Variants in NEDD9 observed in about 807,000 individuals in gnomAD.
NEDD9 encodes neural precursor cell expressed, developmentally down-regulated 9.
A neutral mutation model predicts 76.6 loss-of-function variants in NEDD9; 26 were observed. The ratio of observed to expected loss-of-function variants is 0.34; its 90% confidence interval spans 0.25 to 0.47. The LOEUF (loss-of-function observed/expected upper bound fraction) is 0.47. NEDD9 is among the 20% of genes least tolerant of loss of function. NEDD9 has a pLI of 1.00. For synonymous variants in NEDD9, 392 were observed against 414.2 expected (o/e 0.95, Z 0.65); for missense variants, 937 against 1,058.5 (o/e 0.89, Z 1.59).
At chr6:11,274,645 A>G (rs182793657) in intron 3 of NEDD9, among the ~76,000 whole-genome samples, 1 of 152,348 alleles carries the variant, frequency 6.6e-6, no homozygotes, top group East Asian at 1.9e-4. Flanking sequence ...TACCTACTGC[A>G]TCACAATAAT....
At chr6:11,299,604 G>T (rs1760989089) in intron 3 of NEDD9, among the ~76,000 whole-genome samples, 1 of 152,194 alleles carries the variant, frequency 6.6e-6, no homozygotes, top group African/African-American at 2.4e-5. Flanking sequence ...TTCCCAGTAG[G>T]GGCCAACAGA....
chr6:11,312,893 A>G (rs1163162645), intron 2 of NEDD9, among the ~76,000 whole-genome samples: 2 of 152,142 alleles, frequency 1.3e-5, no homozygotes, highest in Non-Finnish European at 2.9e-5. Context: ...TGTTTTTAAA[A>G]GAAAATCCCT....
intron 2 of NEDD9, among the ~76,000 whole-genome samples, chr6:11,316,199 T>C (rs1360684332): frequency 6.6e-6 from 1 of 152,216 alleles, no homozygotes; most frequent in African/African-American, 2.4e-5. Context: ...CTCTGATTCA[T>C]CTCTACGCAG....
At position 11,357,179 on chromosome 6, in the gene NEDD9, C is replaced by T. The variant is rs369820378; in HGVS notation, c.-213-22618G>A. Among the ~76,000 whole-genome samples the T allele has an allele frequency of 2.6e-5, 4 of 152,260 alleles. No homozygotes were observed. The East Asian group carries it at 7.7e-4, about 29-fold the overall frequency. On this transcript the variant is annotated intron_variant, in intron 1 of 3. Coordinates refer to the NEDD9 transcript ENST00000397378. ...ATATTTAAGTCTTTAAATTGATTTG[C>T]TGGGACATTACACAAGCGTCTTCTG...
At chr6:11,191,276 C>A (rs3734402) in intron 4 of NEDD9, 71 bp from the exon 5 acceptor site, 4 of 1,486,912 alleles carry the variant, frequency 2.7e-6, no homozygotes, top group Non-Finnish European at 3.6e-6. Flanking sequence ...CCCATGTGCT[C>A]AGTCCTATTT....
intron 2 of NEDD9, among the ~76,000 whole-genome samples, chr6:11,326,266 G>A (rs886520923): frequency 2.0e-5 from 3 of 152,200 alleles, no homozygotes; most frequent in East Asian, 3.9e-4. Context: ...TGAGTTCAAA[G>A]CAACACAGGA....
At chr6:11,354,517 G>A (rs1762530421) in intron 1 of NEDD9, among the ~76,000 whole-genome samples, 1 of 152,194 alleles carries the variant, frequency 6.6e-6, no homozygotes, top group Non-Finnish European at 1.5e-5. Context: ...TCAGCAGAGT[G>A]GGGATAGAGG....
intron 2 of NEDD9, among the ~76,000 whole-genome samples, chr6:11,196,309 A>G (rs1030343157): frequency 6.6e-6 from 1 of 152,118 alleles, no homozygotes; most frequent in African/African-American, 2.4e-5. Flanking sequence ...GTCTCAAAAC[A>G]AAACAAAACA....
Position 11,192,353 on chromosome 6 carries a change from T to C in NEDD9, c.655A>G (p.Thr219Ala). Residue 219 changes from threonine (T) to alanine (A), a missense_variant, in exon 4 of 7, where the codon ACA becomes GCA. Physicochemically the swap from Thr to Ala is moderately conservative, Grantham distance 58. Transcript: ENST00000379446. The part of the protein sequence containing the change: ...KPQGVYDIPP[T>A]KGVYAIPPSA... Reference sequence around the variant, plus strand: ...TGTAGTCACTCACTCACCCCTTTTGTAGGCGGGATGTCATACACCCCTTGA... The same window carrying C: ...TGTAGTCACTCACTCACCCCTTTTGCAGGCGGGATGTCATACACCCCTTGA... The C allele has an allele frequency of 6.3e-7, 1 of 1,575,212 alleles. No individual in the cohort carries two copies. The highest frequency in any genetic ancestry group is 8.6e-7 in the Non-Finnish European group (1 of 1,161,968).
In NEDD9 at chr6:11,213,593, G is replaced by A. The variant is rs779436804; in HGVS notation, c.147C>T (p.His49=). 5.0e-6 allele frequency: 8 copies of A among 1,614,166 alleles called. No homozygotes were observed. The highest frequency in any genetic ancestry group is 1.7e-5 in the Admixed American group (1 of 60,020). The part of the protein sequence containing the change: ...GLEGWWLCSL[H]GRQGIVPGNR... ...TGCCTGGGACAATGCCTTGCCGACC[G>A]TGTAATGAGCACAGCCACCATCCTT... The change falls in exon 2 of 7, where the codon CAC becomes CAT. Residue 49 remains histidine, a synonymous_variant. Coordinates refer to ENST00000379446, the MANE Select transcript of NEDD9 (RefSeq NM_006403.4). The surrounding 1 kb of genome is among the most constrained non-coding windows in gnomAD (Gnocchi z 5.4).
At chr6:11,215,953 T>C (rs1440646073) in intron 1 of NEDD9, among the ~76,000 whole-genome samples, 1 of 152,208 alleles carries the variant, frequency 6.6e-6, no homozygotes, top group Non-Finnish European at 1.5e-5. Context: ...GGAGCATGCT[T>C]GATCAGAGGC....
chr6:11,293,515 A>G (rs1233295690), intron 3 of NEDD9, among the ~76,000 whole-genome samples: 1 of 152,188 alleles, frequency 6.6e-6, no homozygotes, highest in Non-Finnish European at 1.5e-5. Context: ...AAAATTGTAT[A>G]TAGTTACAGT....
intron 3 of NEDD9, among the ~76,000 whole-genome samples, chr6:11,260,814 A>G (rs1760094340): frequency 6.6e-6 from 1 of 152,164 alleles, no homozygotes; most frequent in Non-Finnish European, 1.5e-5. Context: ...GAGTCTTCAC[A>G]CCTACTATTA....
chr6:11,326,618 C>T (rs1382488415), intron 2 of NEDD9, among the ~76,000 whole-genome samples: 1 of 152,168 alleles, frequency 6.6e-6, no homozygotes, highest in Non-Finnish European at 1.5e-5. Context: ...TTTTTTCTAT[C>T]CAGTGTGGAT....
rs962735355 is a variant in NEDD9 at position 11,183,602 on chromosome 6, G to A, written c.*1560C>T. 4.6e-5 allele frequency: 7 copies of A among 152,100 alleles called. No individual in the cohort carries two copies. Among genetic ancestry groups the A allele is most frequent in the Non-Finnish European group, 8.8e-5 (6 of 68,016 alleles). 9.4% of individuals were successfully genotyped at this position (152,100 alleles called of 1,614,324 possible). A position where few individuals can be genotyped will look rare whatever the true frequency, so the allele number is the denominator to read the frequency against. On this transcript the variant is annotated 3_prime_UTR_variant, in exon 7 of 7. Coordinates refer to ENST00000379446, the MANE Select transcript of NEDD9 (RefSeq NM_006403.4). ...GAGTAGGACTTTGAGAATTATAATAGCAGTTGTTTTGAAAAGCACCTTCTA... is the reference window on the plus strand; with the variant it reads ...GAGTAGGACTTTGAGAATTATAATAACAGTTGTTTTGAAAAGCACCTTCTA...
chr6:11,334,769 A>G (rs180776461), intron 1 of NEDD9, among the ~76,000 whole-genome samples: 127 of 152,194 alleles, frequency 8.3e-4, no homozygotes, highest in Non-Finnish European at 3.8e-4. Flanking sequence ...TGTTAAACAA[A>G]AAGCAAATTC....
At chr6:11,205,760 C>A (rs539570849) in intron 2 of NEDD9, among the ~76,000 whole-genome samples, 15 of 151,976 alleles carry the variant, frequency 9.9e-5, no homozygotes, top group Non-Finnish European at 1.9e-4. Context: ...CGAAGTAACT[C>A]GGATTAACAG....
chr6:11,260,466 G>A (rs544139294), intron 3 of NEDD9, among the ~76,000 whole-genome samples: 1 of 152,202 alleles, frequency 6.6e-6, no homozygotes, highest in East Asian at 1.9e-4. Flanking sequence ...GGGGTTAATA[G>A]TATATATTTC....
intron 2 of NEDD9, among the ~76,000 whole-genome samples, chr6:11,333,919 C>A (rs1561838685): frequency 6.6e-6 from 1 of 152,178 alleles, no homozygotes; most frequent in African/African-American, 2.4e-5. Context: ...ACAAGATGGA[C>A]CCTCCAGTTC....
Sources: gnomAD v4.1 joint callset for allele counts (sites outside exome capture counted in the v4.1 genomes callset) on GRCh38, gnomAD v4.1.1 for gene constraint, Gnocchi (gnomAD v3.1) non-coding constraint, MANE v1.5 for transcripts, NCBI Gene and HGNC (gene_info 2026-07-23, HGNC 2026-07-21) for gene names.